The following CARF variants were observed in gnomAD, a reference collection of about 807,000 sequenced individuals.
CARF encodes calcium-responsive transcription factor.
In CARF, 57 loss-of-function variants were observed where a neutral mutation model predicts 82.0. The observed-to-expected ratio is 0.70, with a 90% CI of 0.56 to 0.87. The LOEUF (loss-of-function observed/expected upper bound fraction) is 0.87. Ranked by LOEUF, CARF falls within the 40% of genes least tolerant of loss-of-function variation. CARF has a pLI of 0.00. For synonymous variants in CARF, 268 were observed against 290.1 expected, an observed-to-expected ratio of 0.92 and a Z score of 0.77; for missense variants, 771 against 855.8, an observed-to-expected ratio of 0.90 and a Z score of 1.24.
At chr2:202,936,616 C>A (rs1693993301) in intron 3 of CARF, among the ~76,000 whole-genome samples, 1 of 152,154 alleles carries the variant, frequency 6.6e-6, no homozygotes, top group Non-Finnish European at 1.5e-5. Context: ...CTTGATCTAT[C>A]TTTGGGCTCT....
At chr2:202,945,781 T>C (rs2058469280) in intron 5 of CARF, among the ~76,000 whole-genome samples, 1 of 152,236 alleles carries the variant, frequency 6.6e-6, no homozygotes, top group African/African-American at 2.4e-5. Context: ...TTCATGTGCA[T>C]GTGTCTTTAT....
chr2:202,969,848 T>G, intron 10 of CARF, 71 bp from the exon 11 acceptor site: 1 of 1,019,150 alleles, frequency 9.8e-7, no homozygotes, highest in Non-Finnish European at 1.4e-6. Flanking sequence ...AAAGTAGACT[T>G]CTGGTTGATA....
chr2:202,966,321 C>T (rs762219125), intron 9 of CARF, among the ~76,000 whole-genome samples: 2 of 152,046 alleles, frequency 1.3e-5, no homozygotes, highest in Non-Finnish European at 2.9e-5. Context: ...CAAATAAAAA[C>T]AAGAAAATAA....
chr2:202,963,863 T>C (rs1483359091), intron 9 of CARF, among the ~76,000 whole-genome samples: 1 of 152,282 alleles, frequency 6.6e-6, no homozygotes, highest in East Asian at 1.9e-4. Flanking sequence ...CAGGAGGTAA[T>C]GCAAGTGATA....
chr2:202,947,474 C>T (rs575242262), intron 5 of CARF, among the ~76,000 whole-genome samples: 6 of 151,630 alleles, frequency 4.0e-5, no homozygotes, highest in East Asian at 1.9e-4. Flanking sequence ...CAGGGCCTGT[C>T]GGGGGGGTAG....
At chr2:202,928,745 G>A (rs1375593732) in intron 3 of CARF, among the ~76,000 whole-genome samples, 1 of 152,028 alleles carries the variant, frequency 6.6e-6, no homozygotes, top group Non-Finnish European at 1.5e-5. Context: ...TATACCCGTT[G>A]ACCATTCGTA....
intron 6 of CARF, among the ~76,000 whole-genome samples, chr2:202,953,307 C>T (rs949555275): frequency 6.6e-5 from 10 of 152,168 alleles, no homozygotes; most frequent in South Asian, 4.1e-4. Context: ...TGAGCCACTT[C>T]GCCCAGCCAT....
intron 5 of CARF, among the ~76,000 whole-genome samples, chr2:202,950,899 T>C (rs2058724655): frequency 6.6e-6 from 1 of 152,210 alleles, no homozygotes; most frequent in African/African-American, 2.4e-5. Context: ...TGTTGAACAT[T>C]GGGGAAGGAA....
chr2:202,934,200 T>G (rs1264348762), intron 3 of CARF, among the ~76,000 whole-genome samples: 1 of 152,194 alleles, frequency 6.6e-6, no homozygotes, highest in Non-Finnish European at 1.5e-5. Flanking sequence ...AAATTTTATA[T>G]TAGCTGTATT....
intron 1 of CARF, among the ~76,000 whole-genome samples, chr2:202,913,437 T>G (rs1192280330): frequency 6.6e-6 from 1 of 152,228 alleles, no homozygotes; most frequent in Non-Finnish European, 1.5e-5. Flanking sequence ...ACTCAGTATA[T>G]GTTAATTATT....
At chr2:202,983,410 C>A in intron 16 of CARF, 96 bp from the exon 17 acceptor site, 1 of 789,710 alleles carries the variant, frequency 1.3e-6, no homozygotes, top group Admixed American at 2.9e-5. Context: ...CAAAAGTTTT[C>A]ACAGAAGTTA....
At chr2:202,914,350 T>C (rs1311134867) in intron 1 of CARF, among the ~76,000 whole-genome samples, 2 of 152,208 alleles carry the variant, frequency 1.3e-5, no homozygotes, top group African/African-American at 4.8e-5. Flanking sequence ...AATTGTTCTT[T>C]GTGTTTTTCT....
intron 14 of CARF, among the ~76,000 whole-genome samples, chr2:202,981,084 CAAATAG>C (rs1417804872): frequency 6.6e-6 from 1 of 152,136 alleles, no homozygotes; most frequent in African/African-American, 2.4e-5. Flanking sequence ...CCAGGTTCTG[CAAATAG>C]TGGGCTACAT....
chr2:202,916,746 A>C (rs1332102054), intron 1 of CARF, among the ~76,000 whole-genome samples: 1 of 152,164 alleles, frequency 6.6e-6, no homozygotes, highest in Non-Finnish European at 1.5e-5. Context: ...TACACATAAG[A>C]AATTGCCTCC....
chr2:202,918,123 A>G (rs372846007), intron 2 of CARF, 80 bp downstream of exon 2: 4 of 413,436 alleles, frequency 9.7e-6, no homozygotes, highest in African/African-American at 4.2e-5. Context: ...TAAAAAGTCA[A>G]ATTACCCTTT....
chr2:202,963,265 C>G (rs1283654883), intron 9 of CARF: 2 of 151,300 alleles, frequency 1.3e-5, no homozygotes, highest in African/African-American at 4.9e-5. Flanking sequence ...TTGCAGTGAG[C>G]CGAGATCATG....
intron 4 of CARF, 105 bp from the exon 5 acceptor site, chr2:202,942,635 A>G: frequency 3.7e-6 from 4 of 1,089,368 alleles, no homozygotes; most frequent in Non-Finnish European, 5.1e-6. Flanking sequence ...AACTCTTACA[A>G]AAAAGTAAAA....
intron 14 of CARF, among the ~76,000 whole-genome samples, chr2:202,978,353 G>A (rs2060117114): frequency 6.6e-6 from 1 of 152,126 alleles, no homozygotes; most frequent in African/African-American, 2.4e-5. Context: ...GATGAGGAAG[G>A]AGTAGGGACT....
rs67693134 is a variant in CARF at position 202,986,868 on chromosome 2, GTATATATATA to G, written c.*3275_*3284del. On this transcript the variant is annotated 3_prime_UTR_variant, in exon 17 of 17. Transcript: ENST00000438828. ...AAAGAGGTTTAAAAAATGTCTGTGCGTATATATATATATATATATATATATATATATATAT... is the reference window on the plus strand; with the variant it reads ...AAAGAGGTTTAAAAAATGTCTGTGCGTATATATATATATATATATATATAT... The G allele has an allele frequency of 1.6e-3, 47 of 29,650 alleles. 2 individuals carry two copies. Among genetic ancestry groups the G allele is most frequent in the African/African-American group, 3.1e-3 (40 of 13,026 alleles). The allele number at this position is 29,650 out of a possible 1,614,324, so 1.8% of individuals were successfully genotyped here. A position where few individuals can be genotyped will look rare whatever the true frequency, so the allele number is the denominator to read the frequency against.
Sources: allele counts gnomAD v4.1 joint callset (sites outside exome capture counted in the v4.1 genomes callset), GRCh38; gene constraint gnomAD v4.1.1; transcripts MANE v1.5; gene names NCBI Gene and HGNC (gene_info 2026-07-23, HGNC 2026-07-21).